Variants in ENTREP2 observed in about 807,000 individuals in gnomAD.
ENTREP2 encodes protein ENTREP2.
the ENTREP2 span, among the ~76,000 whole-genome samples, chr15:29,446,817 G>A: frequency 1.0e-3 from 156 of 152,292 alleles, no homozygotes; most frequent in African/African-American, 3.6e-3. Context: ...TTGGTTGTCA[G>A]CCACCTTCCT....
At chr15:29,239,143 C>A in the ENTREP2 span, among the ~76,000 whole-genome samples, 1 of 152,256 alleles carries the variant, frequency 6.6e-6, no homozygotes, top group South Asian at 2.1e-4. Flanking sequence ...AGGGAGGAAA[C>A]CATAATCCTT....
the ENTREP2 span, among the ~76,000 whole-genome samples, chr15:29,468,563 T>C: frequency 6.6e-6 from 1 of 150,778 alleles, no homozygotes; most frequent in Non-Finnish European, 1.5e-5. Context: ...TGAGCCGAGA[T>C]TGCCCCATTG....
At chr15:29,190,461 G>A in the ENTREP2 span, among the ~76,000 whole-genome samples, 1 of 152,078 alleles carries the variant, frequency 6.6e-6, no homozygotes, top group Non-Finnish European at 1.5e-5. Flanking sequence ...ACAATCCGAG[G>A]GATGAGTGAA....
At chr15:29,310,174 C>T in the ENTREP2 span, among the ~76,000 whole-genome samples, 5 of 152,162 alleles carry the variant, frequency 3.3e-5, no homozygotes. Context: ...CTGAAGGTTC[C>T]ATGTCCTCCC....
chr15:29,391,656 G>A, the ENTREP2 span, among the ~76,000 whole-genome samples: 3 of 152,238 alleles, frequency 2.0e-5, no homozygotes, highest in South Asian at 6.2e-4. Flanking sequence ...GTAAGATGCT[G>A]CCTCCTCTTA....
At chr15:29,130,428 G>T in the ENTREP2 span, among the ~76,000 whole-genome samples, 1 of 152,010 alleles carries the variant, frequency 6.6e-6, no homozygotes, top group Non-Finnish European at 1.5e-5. Context: ...ATGTCCTAAC[G>T]GTTTGTTTCA....
At chr15:29,155,078 C>A in the ENTREP2 span, among the ~76,000 whole-genome samples, 1 of 151,398 alleles carries the variant, frequency 6.6e-6, no homozygotes, top group South Asian at 2.1e-4. Flanking sequence ...GTCAGGAGAT[C>A]GAGACCATCC....
chr15:29,630,078 C>T, the ENTREP2 span, among the ~76,000 whole-genome samples: 7 of 152,000 alleles, frequency 4.6e-5, no homozygotes, highest in South Asian at 2.1e-4. Context: ...AGCATGCCAC[C>T]GCACTCCGGC....
At chr15:29,550,167 T>A in the ENTREP2 span, among the ~76,000 whole-genome samples, 1 of 152,274 alleles carries the variant, frequency 6.6e-6, no homozygotes, top group South Asian at 2.1e-4. Flanking sequence ...GTGACTTCCA[T>A]CTAAAAGGCA....
the ENTREP2 span, among the ~76,000 whole-genome samples, chr15:29,537,248 G>A: frequency 6.6e-6 from 1 of 152,134 alleles, no homozygotes; most frequent in African/African-American, 2.4e-5. Context: ...AGGAGCCAAT[G>A]CCCACTAGAG....
chr15:29,177,270 A>T, the ENTREP2 span, among the ~76,000 whole-genome samples: 1 of 152,152 alleles, frequency 6.6e-6, no homozygotes, highest in Non-Finnish European at 1.5e-5. Flanking sequence ...TGGCTGGCAA[A>T]AAAGCAACTG....
the ENTREP2 span, among the ~76,000 whole-genome samples, chr15:29,652,267 C>T: frequency 6.6e-6 from 1 of 152,088 alleles, no homozygotes; most frequent in African/African-American, 2.4e-5. Context: ...AGGGCCTTCT[C>T]CTCTCTGCTG....
chr15:29,129,436 G>T, the ENTREP2 span, among the ~76,000 whole-genome samples: 1 of 152,212 alleles, frequency 6.6e-6, no homozygotes, highest in Non-Finnish European at 1.5e-5. Flanking sequence ...GAGCCTACGA[G>T]TTGCACAGTC....
chr15:29,554,791 C>T, the ENTREP2 span, among the ~76,000 whole-genome samples: 2 of 152,106 alleles, frequency 1.3e-5, no homozygotes, highest in Non-Finnish European at 2.9e-5. Flanking sequence ...ACGGTTCAGC[C>T]TGTCCTTGGG....
At chr15:29,439,278 T>A in the ENTREP2 span, among the ~76,000 whole-genome samples, 1 of 123,886 alleles carries the variant, frequency 8.1e-6, no homozygotes, top group South Asian at 2.8e-4. Context: ...GCTAGAAAAT[T>A]GGAATTACAC....
chr15:29,228,095 G>A, the ENTREP2 span, among the ~76,000 whole-genome samples: 53,789 of 151,908 alleles, frequency 0.35, 10,321 homozygotes, highest in East Asian at 0.6. Context: ...ACTTTGGGAG[G>A]CTGAGGCGGG....
chr15:29,539,548 A>G, the ENTREP2 span, among the ~76,000 whole-genome samples: 3 of 151,760 alleles, frequency 2.0e-5, no homozygotes. Flanking sequence ...CTGTACTTTC[A>G]CTAGCTCTGC....
the ENTREP2 span, among the ~76,000 whole-genome samples, chr15:29,236,866 T>A: frequency 6.7e-6 from 1 of 149,328 alleles, no homozygotes. Flanking sequence ...CAGACAAAGA[T>A]AGTTGAAATA....
the ENTREP2 span, among the ~76,000 whole-genome samples, chr15:29,622,585 A>T: frequency 6.6e-6 from 1 of 152,144 alleles, no homozygotes; most frequent in Non-Finnish European, 1.5e-5. Flanking sequence ...GAAACTACCA[A>T]GGAGAAGGTG....
Sources: gnomAD v4.1 joint callset for allele counts (sites outside exome capture counted in the v4.1 genomes callset) on GRCh38, gnomAD v4.1.1 for gene constraint, MANE v1.5 for transcripts, NCBI Gene and HGNC (gene_info 2026-07-23, HGNC 2026-07-21) for gene names.